The following ACAT1 variants were observed in gnomAD, a reference collection of about 807,000 sequenced individuals.
The protein encoded by ACAT1 is acetyl-CoA acetyltransferase, mitochondrial.
Under a neutral mutation model 47.3 loss-of-function variants are expected in ACAT1, and 28 were observed. The ratio of observed to expected loss-of-function variants is 0.59; its 90% CI spans 0.44 to 0.81. ACAT1 has a LOEUF of 0.81. Among genes scored for constraint, ACAT1 ranks in the 30% least tolerant of loss-of-function variants. The pLI, the probability that ACAT1 is intolerant of heterozygous loss-of-function variation, is 0.00. For missense variants in ACAT1, 469 were observed against 524.3 expected, an observed-to-expected ratio of 0.89 and a Z score of 1.03; for synonymous variants, 181 against 173.6, an observed-to-expected ratio of 1.04 and a Z score of -0.34.
chr11:108,146,941 G>C (rs959938807), intron 11 of ACAT1, among the ~76,000 whole-genome samples: 2 of 152,192 alleles, frequency 1.3e-5, no homozygotes, highest in Non-Finnish European at 1.5e-5. Flanking sequence ...TTAGCTGGGT[G>C]TGGTGGTGCA....
chr11:108,135,000 C>A (rs943230479), intron 4 of ACAT1, 142 bp from the exon 5 acceptor site: 22 of 515,934 alleles, frequency 4.3e-5, no homozygotes, highest in East Asian at 7.4e-5. Context: ...GTTATTTAAG[C>A]TTAAATGAAA....
At chr11:108,124,897 T>G (rs891813811) in intron 1 of ACAT1, among the ~76,000 whole-genome samples, 4 of 152,204 alleles carry the variant, frequency 2.6e-5, no homozygotes, top group Non-Finnish European at 4.4e-5. Context: ...AACATTCATT[T>G]CTCAGCTCCA....
intron 10 of ACAT1, among the ~76,000 whole-genome samples, chr11:108,144,820 C>T (rs560430748): frequency 2.4e-4 from 36 of 152,020 alleles, no homozygotes; most frequent in Non-Finnish European, 4.4e-4. Context: ...GAAAGGAACA[C>T]GCAGCTTCTG....
At chr11:108,124,675 C>T (rs1343387648) in intron 1 of ACAT1, among the ~76,000 whole-genome samples, 1 of 152,166 alleles carries the variant, frequency 6.6e-6, no homozygotes, top group Non-Finnish European at 1.5e-5. Flanking sequence ...TTGTCATTGC[C>T]CATAGGCCAG....
At chr11:108,144,172 T>C (rs2077651783) in intron 10 of ACAT1, 125 bp downstream of exon 10, 1 of 1,053,622 alleles carries the variant, frequency 9.5e-7, no homozygotes, top group East Asian at 2.4e-5. Flanking sequence ...TTTCAAATCT[T>C]CCCATGTCTT....
chr11:108,147,272 T>C lies in ACAT1; in HGVS notation c.1166T>C (p.Met389Thr). Residue 389 changes from methionine to threonine, a missense_variant and splice_region_variant, in exon 12 of 12, where the codon ATG (methionine) becomes ACG (threonine). Met to Thr is a moderately conservative substitution (Grantham distance 81). Coordinates refer to ENST00000265838, the MANE Select transcript of ACAT1 (RefSeq NM_000019.4). ...AGTAAATGCTTTCTTAATTTTAGGA[T>C]GTCTGGAGCCAGGATTGTTGGTCAT... ...GAVSLGHPIG[M>T]SGARIVGHLT... The C allele has an allele frequency of 6.2e-7, 1 of 1,613,926 alleles. No individual in the cohort carries two copies. Among genetic ancestry groups the C allele is most frequent in the Non-Finnish European group, 8.5e-7 (1 of 1,179,878 alleles).
chr11:108,123,432 A>G (rs901568042), intron 1 of ACAT1, among the ~76,000 whole-genome samples: 2 of 152,294 alleles, frequency 1.3e-5, no homozygotes, highest in African/African-American at 4.8e-5. Flanking sequence ...GTAGAATGGA[A>G]TTTGACCTCT....
intron 11 of ACAT1, 65 bp from the exon 12 acceptor site, chr11:108,147,205 G>T: frequency 1.3e-6 from 2 of 1,582,850 alleles, no homozygotes; most frequent in East Asian, 2.3e-5. Context: ...AATTGGAATA[G>T]AAACATTTTG....
intron 6 of ACAT1, 140 bp from the exon 7 acceptor site, chr11:108,139,925 A>G: frequency 9.8e-7 from 1 of 1,015,920 alleles, no homozygotes; most frequent in Non-Finnish European, 1.4e-6. Flanking sequence ...TGCTGGGATT[A>G]CAGGCATGAG....
intron 2 of ACAT1, among the ~76,000 whole-genome samples, chr11:108,132,770 C>T (rs1178050385): frequency 3.1e-5 from 4 of 128,406 alleles, no homozygotes; most frequent in South Asian, 5.3e-4. Context: ...AGGAGAATGG[C>T]GTGAATCCGG....
chr11:108,146,406 T>C, intron 11 of ACAT1, 47 bp downstream of exon 11: 2 of 1,600,972 alleles, frequency 1.2e-6, no homozygotes, highest in South Asian at 1.1e-5. Flanking sequence ...TGCCTTTGTG[T>C]TTCTAGCTAA....
intron 5 of ACAT1, among the ~76,000 whole-genome samples, chr11:108,138,176 A>G (rs1048618195): frequency 1.3e-5 from 2 of 150,382 alleles, no homozygotes; most frequent in Admixed American, 1.3e-4. Flanking sequence ...TTTAGTAGAG[A>G]TGGGGTTTCA....
intron 1 of ACAT1, among the ~76,000 whole-genome samples, chr11:108,130,313 A>G (rs1253383552): frequency 1.3e-5 from 2 of 152,154 alleles, no homozygotes; most frequent in African/African-American, 2.4e-5. Context: ...CCTTTGAGAA[A>G]GACATGTGTT....
rs1364386593 is a variant in ACAT1, at chr11:108,133,883, C to G, written c.184C>G (p.Leu62Val). 1 of 1,614,112 alleles carries G rather than the reference C, an allele frequency of 6.2e-7. No individual in the cohort carries two copies. Among genetic ancestry groups the G allele is most frequent in the Non-Finnish European group, 8.5e-7 (1 of 1,180,014 alleles). The change falls in exon 3 of 12, where the codon CTG (leucine) becomes GTG (valine). Residue 62 changes from leucine (L) to valine (V), a missense_variant. Transcript: ENST00000265838. ...IGSFLGSLSL[L>V]PATKLGSIAI... ...ATCTTTTTTAGGCAGCCTTTCCTTG[C>G]TGCCAGCCACTAAGCTTGGTTCCAT...
intron 11 of ACAT1, 130 bp downstream of exon 11, chr11:108,146,489 A>G (rs1591374931): frequency 1.0e-6 from 1 of 954,524 alleles, no homozygotes; most frequent in South Asian, 1.4e-5. Context: ...GGCAAAAACC[A>G]TTTCTGATAG....
chr11:108,129,479 C>T (rs1260656802), intron 1 of ACAT1, among the ~76,000 whole-genome samples: 1 of 152,136 alleles, frequency 6.6e-6, no homozygotes, highest in African/African-American at 2.4e-5. Context: ...AGCGATTCTC[C>T]TGCTTCAGCT....
chr11:108,139,075 A>T, intron 6 of ACAT1, 34 bp downstream of exon 6: 1 of 1,611,794 alleles, frequency 6.2e-7, no homozygotes, highest in Non-Finnish European at 8.5e-7. Context: ...AATGCTATCT[A>T]ATGTCCAATA....
intron 2 of ACAT1, 87 bp from the exon 3 acceptor site, chr11:108,133,732 TG>T: frequency 1.9e-6 from 2 of 1,064,086 alleles, no homozygotes; most frequent in South Asian, 1.3e-5. Flanking sequence ...TTCATAGAAG[TG>T]TTTTTTTGAT....
intron 1 of ACAT1, among the ~76,000 whole-genome samples, chr11:108,130,187 C>T (rs1044437834): frequency 3.9e-5 from 6 of 152,080 alleles, no homozygotes; most frequent in Admixed American, 6.5e-5. Flanking sequence ...CAGTCCCCAC[C>T]GTCATCCAAC....
Sources: gnomAD v4.1 joint callset for allele counts (sites outside exome capture counted in the v4.1 genomes callset) on GRCh38, gnomAD v4.1.1 for gene constraint, MANE v1.5 for transcripts, NCBI Gene and HGNC (gene_info 2026-07-23, HGNC 2026-07-21) for gene names.